The following ANKFN1 variants were observed in gnomAD, a reference collection of about 807,000 sequenced individuals.
The protein encoded by ANKFN1 is ankyrin repeat and fibronectin type III domain containing 1, also known as ankyrin repeat and fibronectin type-III domain-containing protein 1.
In ANKFN1, 74 loss-of-function variants were observed where a neutral mutation model predicts 108.7. The ratio of observed to expected loss-of-function variants is 0.68; its 90% CI spans 0.56 to 0.83. The LOEUF (loss-of-function observed/expected upper bound fraction) is 0.83, where lower values mean the gene tolerates loss of function less well. Among genes scored for constraint, ANKFN1 ranks in the 40% least tolerant of loss-of-function variants. ANKFN1 has a pLI of 0.00. For synonymous variants in ANKFN1, 547 were observed against 516.2 expected, an observed-to-expected ratio of 1.06 and a Z score of -0.81; for missense variants, 1,505 against 1,382.3, an observed-to-expected ratio of 1.09 and a Z score of -1.41.
At chr17:56,188,414 C>T (rs2143669964) in intron 1 of ANKFN1, among the ~76,000 whole-genome samples, 1 of 151,104 alleles carries the variant, frequency 6.6e-6, no homozygotes, top group Admixed American at 6.6e-5. Flanking sequence ...TTGCCTTTTT[C>T]AGCTTCTAGA....
At chr17:56,222,768 G>A (rs981719490) in intron 2 of ANKFN1, among the ~76,000 whole-genome samples, 24 of 152,228 alleles carry the variant, frequency 1.6e-4, no homozygotes, top group African/African-American at 5.3e-4. Flanking sequence ...GTTGATAGAG[G>A]GTGAATAGTT....
intron 3 of ANKFN1, among the ~76,000 whole-genome samples, chr17:56,314,280 G>A (rs1214242967): frequency 1.3e-5 from 2 of 152,116 alleles, no homozygotes; most frequent in East Asian, 1.9e-4. Flanking sequence ...TTTCTTGTGG[G>A]TAGAACCCAG....
At chr17:56,369,294 A>G (rs1476000041) in intron 6 of ANKFN1, among the ~76,000 whole-genome samples, 2 of 152,226 alleles carry the variant, frequency 1.3e-5, no homozygotes, top group East Asian at 3.8e-4. Context: ...GAAGGGATAT[A>G]AAAATAATGT....
At chr17:56,230,105 G>A (rs1394290853) in intron 3 of ANKFN1, among the ~76,000 whole-genome samples, 1 of 152,072 alleles carries the variant, frequency 6.6e-6, no homozygotes, top group African/African-American at 2.4e-5. Context: ...TATAGTGAAT[G>A]ACAGGAGACT....
In ANKFN1 at chr17:56,055,440, TC is replaced by T. The variant is rs1298084322; in HGVS notation, c.288+9116del. ...TGTGGTTGTATATTATCCCATTATGTCTGTGTGTGTGTGTGTGTATTATTCC... is the reference window on the plus strand; with the variant it reads ...TGTGGTTGTATATTATCCCATTATGTTGTGTGTGTGTGTGTGTATTATTCC... On this transcript the variant is annotated intron_variant, in intron 4 of 12. Transcript: ENST00000635860. Among the ~76,000 whole-genome samples the T allele has an allele frequency of 8.7e-5, 7 of 80,242 alleles. No homozygotes were observed. The South Asian group carries it at 2.6e-3, about 30-fold the overall frequency. The allele number at this position is 80,242 out of a possible 152,430, so 52.6% of individuals were successfully genotyped here.
chr17:56,072,904 G>C (rs1905137058), intron 4 of ANKFN1, among the ~76,000 whole-genome samples: 1 of 152,162 alleles, frequency 6.6e-6, no homozygotes, highest in Non-Finnish European at 1.5e-5. Context: ...ATGTATCCTG[G>C]CCAGGACCAA....
chr17:56,250,778 A>C (rs1278313282), intron 3 of ANKFN1, among the ~76,000 whole-genome samples: 1 of 152,116 alleles, frequency 6.6e-6, no homozygotes, highest in Non-Finnish European at 1.5e-5. Flanking sequence ...ATTGATTATC[A>C]TCTGAAGCTT....
chr17:56,122,520 T>G (rs1429870727), intron 4 of ANKFN1, among the ~76,000 whole-genome samples: 1 of 152,186 alleles, frequency 6.6e-6, no homozygotes, highest in Non-Finnish European at 1.5e-5. Context: ...GCATGTGATA[T>G]ATGAATGGAT....
intron 3 of ANKFN1, among the ~76,000 whole-genome samples, chr17:56,294,199 A>T (rs2044445900): frequency 6.6e-6 from 1 of 152,106 alleles, no homozygotes; most frequent in African/African-American, 2.4e-5. Context: ...CAAACACTAG[A>T]CTTGGCTTCT....
chr17:56,345,511 A>C (rs892387217), intron 4 of ANKFN1, among the ~76,000 whole-genome samples: 8 of 152,318 alleles, frequency 5.3e-5, no homozygotes, highest in African/African-American at 1.9e-4. Flanking sequence ...TCCCACCAAC[A>C]GTGTAAAAGC....
At chr17:56,091,325 G>A (rs1244259344) in intron 4 of ANKFN1, among the ~76,000 whole-genome samples, 1 of 150,730 alleles carries the variant, frequency 6.6e-6, no homozygotes, top group Non-Finnish European at 1.5e-5. Context: ...GTAAAATTGT[G>A]CAACTGATAT....
intron 3 of ANKFN1, among the ~76,000 whole-genome samples, chr17:56,260,422 G>T (rs956091065): frequency 6.6e-5 from 10 of 151,986 alleles, no homozygotes; most frequent in Admixed American, 1.3e-4. Context: ...TGGTGGGGCG[G>T]GGTAGGGGTG....
At chr17:56,338,060 C>A (rs1194048018) in intron 4 of ANKFN1, among the ~76,000 whole-genome samples, 4 of 152,182 alleles carry the variant, frequency 2.6e-5, no homozygotes, top group Non-Finnish European at 4.4e-5. Context: ...ACCCAAATGT[C>A]CATCAATGAT....
Position 56,346,990 on chromosome 17 carries a change from C to G in ANKFN1, c.189-3776C>G, listed in dbSNP as rs182584201. ...TTTAAATTCCCTGAGTTTATTTTAT[C>G]ATTTATGAAAAGACAATATTAGGAC... On this transcript the variant is annotated intron_variant, in intron 4 of 20. Transcript: ENST00000682825. Among the ~76,000 whole-genome samples, 85 of 151,942 alleles carry G rather than the reference C, an allele frequency of 5.6e-4. 1 individual carries two copies. The highest frequency in any genetic ancestry group is 3.4e-3 in the Middle Eastern group (1 of 294).
At chr17:56,291,889 C>A (rs2044372941) in intron 3 of ANKFN1, among the ~76,000 whole-genome samples, 1 of 152,164 alleles carries the variant, frequency 6.6e-6, no homozygotes, top group African/African-American at 2.4e-5. Flanking sequence ...AACAAAGAAC[C>A]AGGAATTAGT....
chr17:56,175,294 T>TTTTTG (rs1050181440), intron 1 of ANKFN1, among the ~76,000 whole-genome samples: 2 of 152,188 alleles, frequency 1.3e-5, no homozygotes, highest in Non-Finnish European at 1.5e-5. Flanking sequence ...GGTTTGTTTG[T>TTTTTG]TTTTGTTTTG....
intron 3 of ANKFN1, among the ~76,000 whole-genome samples, chr17:56,302,861 T>A (rs2044714072): frequency 6.6e-6 from 1 of 152,252 alleles, no homozygotes; most frequent in Non-Finnish European, 1.5e-5. Flanking sequence ...ACCTACCAGA[T>A]CCCTTTAAAT....
chr17:56,046,410 G>C (rs1340956346), intron 4 of ANKFN1: 5 of 152,408 alleles, frequency 3.3e-5, no homozygotes, highest in Admixed American at 3.3e-4. Context: ...TATGTGTGTG[G>C]GTTGGGGCTG....
At chr17:56,452,860 G>A (rs1014801428) in intron 11 of ANKFN1, among the ~76,000 whole-genome samples, 3 of 152,062 alleles carry the variant, frequency 2.0e-5, no homozygotes, top group Admixed American at 6.6e-5. Flanking sequence ...TCAAATCTGG[G>A]CTGTACTTTT....
Sources: allele counts gnomAD v4.1 joint callset (sites outside exome capture counted in the v4.1 genomes callset), GRCh38; gene constraint gnomAD v4.1.1; transcripts MANE v1.5; gene names NCBI Gene and HGNC (gene_info 2026-07-23, HGNC 2026-07-21).